TRAPPC12: variants seen among roughly 807,000 people sequenced by gnomAD.
TRAPPC12 encodes the protein trafficking protein particle complex subunit 12, also known as TPR repeat protein 15.
In TRAPPC12, 61 loss-of-function variants were observed where a neutral mutation model predicts 69.2. The ratio of observed to expected loss-of-function variants is 0.88; its 90% CI spans 0.72 to 1.09. TRAPPC12 has a LOEUF of 1.09. Among genes scored for constraint, TRAPPC12 ranks in the 50% least tolerant of loss-of-function variants. The pLI is 0.00. For missense variants in TRAPPC12, 1,101 were observed against 1,016.4 expected (o/e 1.08, Z -1.13); for synonymous variants, 469 against 438.9 (o/e 1.07, Z -0.86).
chr2:3,413,020 TC>T (rs1376695356), intron 3 of TRAPPC12, among the ~76,000 whole-genome samples: 4 of 152,196 alleles, frequency 2.6e-5, no homozygotes, highest in Non-Finnish European at 5.9e-5. Flanking sequence ...TGGTCTTTGC[TC>T]CCAAAGACCC....
chr2:3,425,155 A>G (rs1461586130), intron 5 of TRAPPC12, among the ~76,000 whole-genome samples: 1 of 152,232 alleles, frequency 6.6e-6, no homozygotes. Context: ...GGAAAACACT[A>G]GGCTACAGCA....
At chr2:3,422,202 C>T (rs949842735) in intron 4 of TRAPPC12, among the ~76,000 whole-genome samples, 1 of 152,220 alleles carries the variant, frequency 6.6e-6, no homozygotes, top group Non-Finnish European at 1.5e-5. Flanking sequence ...GAAGCACGCT[C>T]ACAAGTGCCC....
chr2:3,424,926 T>A (rs2103061261), intron 5 of TRAPPC12, among the ~76,000 whole-genome samples: 1 of 152,352 alleles, frequency 6.6e-6, no homozygotes, highest in East Asian at 1.9e-4. Flanking sequence ...CAGCATGATT[T>A]GGTGCAGGGG....
intron 8 of TRAPPC12, among the ~76,000 whole-genome samples, chr2:3,463,591 G>A (rs1665633537): frequency 6.7e-6 from 1 of 150,292 alleles, no homozygotes; most frequent in African/African-American, 2.5e-5. Flanking sequence ...CAGAAACACT[G>A]ACCCCTGGCC....
At chr2:3,461,256 C>T (rs1036546896) in intron 8 of TRAPPC12, among the ~76,000 whole-genome samples, 1 of 152,192 alleles carries the variant, frequency 6.6e-6, no homozygotes, top group Non-Finnish European at 1.5e-5. Flanking sequence ...ACTGTGACCC[C>T]GGGCACTGCT....
At chr2:3,402,638 G>A (rs1661510045) in intron 3 of TRAPPC12, among the ~76,000 whole-genome samples, 1 of 152,206 alleles carries the variant, frequency 6.6e-6, no homozygotes, top group African/African-American at 2.4e-5. Context: ...GATCACCATT[G>A]CTGTACAGGT....
chr2:3,441,960 T>C (rs1664233908), intron 5 of TRAPPC12, among the ~76,000 whole-genome samples: 1 of 152,224 alleles, frequency 6.6e-6, no homozygotes, highest in Non-Finnish European at 1.5e-5. Flanking sequence ...CCATGGGCAG[T>C]TGTCAGGATA....
intron 3 of TRAPPC12, among the ~76,000 whole-genome samples, chr2:3,416,920 G>A (rs1330691886): frequency 1.5e-5 from 2 of 136,640 alleles, no homozygotes; most frequent in African/African-American, 2.8e-5. Context: ...CCCTCCCCCT[G>A]CCCCTTCACT....
At chr2:3,389,381 C>G (rs377091882) in intron 2 of TRAPPC12, among the ~76,000 whole-genome samples, 66 of 152,236 alleles carry the variant, frequency 4.3e-4, no homozygotes, top group African/African-American at 1.5e-3. Context: ...TGTAGGGGTC[C>G]GGGGGCTGCT....
At chr2:3,422,036 C>T (rs780733406) in intron 4 of TRAPPC12, 42 bp downstream of exon 4, 5 of 1,496,580 alleles carry the variant, frequency 3.3e-6, no homozygotes, top group Non-Finnish European at 4.6e-6. Context: ...CCTGGCTTAT[C>T]ACAGTCTGGG....
chr2:3,410,596 G>A (rs1428932457), intron 3 of TRAPPC12, among the ~76,000 whole-genome samples: 1 of 152,174 alleles, frequency 6.6e-6, no homozygotes, highest in Non-Finnish European at 1.5e-5. Flanking sequence ...TACATAGTGG[G>A]TATAAAATGA....
intron 9 of TRAPPC12, among the ~76,000 whole-genome samples, chr2:3,470,052 G>A (rs1197100818): frequency 6.6e-6 from 1 of 152,202 alleles, no homozygotes; most frequent in Admixed American, 6.5e-5. Context: ...GGTGGGAGAT[G>A]AGGTGGGCAT....
intron 2 of TRAPPC12, among the ~76,000 whole-genome samples, chr2:3,399,923 C>T (rs1334533778): frequency 6.6e-6 from 1 of 151,940 alleles, no homozygotes. Context: ...CACCCTCAGT[C>T]ACTGCGTGCT....
intron 8 of TRAPPC12, chr2:3,462,947 A>G (rs1164735593): frequency 2.1e-6 from 1 of 471,052 alleles, no homozygotes; most frequent in Non-Finnish European, 4.4e-6. Flanking sequence ...GTCTTGCTGA[A>G]ATTAGACTGC....
At chr2:3,394,073 T>C (rs1003483033) in intron 2 of TRAPPC12, among the ~76,000 whole-genome samples, 1 of 152,192 alleles carries the variant, frequency 6.6e-6, no homozygotes, top group African/African-American at 2.4e-5. Flanking sequence ...GGGCCAGCAC[T>C]GTGGATTGAC....
At chr2:3,466,671 G>A (rs1279540743) in intron 9 of TRAPPC12, among the ~76,000 whole-genome samples, 1 of 152,150 alleles carries the variant, frequency 6.6e-6, no homozygotes, top group East Asian at 1.9e-4. Context: ...GCTTGTGGAA[G>A]TCCACATGGG....
At chr2:3,466,850 C>T (rs897234021) in intron 9 of TRAPPC12, among the ~76,000 whole-genome samples, 2 of 152,216 alleles carry the variant, frequency 1.3e-5, no homozygotes, top group Non-Finnish European at 2.9e-5. Context: ...CCCTCGTTAC[C>T]TGTGTGAGAA....
At position 3,406,401 on chromosome 2, in the gene TRAPPC12, CA is replaced by C. The variant is rs1661733455; in HGVS notation, c.1164+4513del. 2.0e-5 allele frequency among the ~76,000 whole-genome samples: 3 copies of C among 152,186 alleles called. No homozygotes were observed. In the South Asian group the frequency reaches 6.2e-4, roughly 31 times the overall value. Reference sequence around the variant, plus strand: ...TACCGTATTTACAGAAGCGTGTCCTCAAAAAGGTAAACAAGCATCCCTTGCT... The same window carrying C: ...TACCGTATTTACAGAAGCGTGTCCTCAAAAGGTAAACAAGCATCCCTTGCT... On this transcript the variant is annotated intron_variant, in intron 3 of 11. Transcript: ENST00000324266.
At chr2:3,447,211 G>A (rs1248437913) in intron 6 of TRAPPC12, among the ~76,000 whole-genome samples, 1 of 151,912 alleles carries the variant, frequency 6.6e-6, no homozygotes, top group Non-Finnish European at 1.5e-5. Flanking sequence ...CGATTCTCCT[G>A]CCTTGCCTCC....
Sources: gnomAD v4.1 joint callset for allele counts (sites outside exome capture counted in the v4.1 genomes callset) on GRCh38, gnomAD v4.1.1 for gene constraint, MANE v1.5 for transcripts, NCBI Gene and HGNC (gene_info 2026-07-23, HGNC 2026-07-21) for gene names.